ARHGAP24: variants seen among roughly 807,000 people sequenced by gnomAD.
The protein encoded by ARHGAP24 is Rho GTPase activating protein 24, also known as rho GTPase-activating protein 24.
ARHGAP24 carries 50 observed loss-of-function variants against 76.4 expected under a neutral mutation model. The ratio of observed to expected loss-of-function variants is 0.65; its 90% CI spans 0.52 to 0.83. The LOEUF (loss-of-function observed/expected upper bound fraction) is 0.83, where lower values mean the gene tolerates loss of function less well. Ranked by LOEUF, ARHGAP24 falls within the 40% of genes least tolerant of loss-of-function variation. ARHGAP24 has a pLI of 0.00. For missense variants in ARHGAP24, 930 were observed against 914.2 expected (o/e 1.02, Z -0.22); for synonymous variants, 345 against 323.3 (o/e 1.07, Z -0.72).
chr4:85,972,008 G>T, intron 5 of ARHGAP24, 28 bp from the exon 6 acceptor site: 1 of 1,613,788 alleles, frequency 6.2e-7, no homozygotes, highest in Non-Finnish European at 8.5e-7. Context: ...TTACTCCAAA[G>T]AATATCTTCA....
chr4:85,981,712 C>T (rs1316206920), intron 8 of ARHGAP24, among the ~76,000 whole-genome samples: 1 of 152,122 alleles, frequency 6.6e-6, no homozygotes, highest in Non-Finnish European at 1.5e-5. Context: ...TTTCACCTCT[C>T]TCTTAGCAGT....
intron 2 of ARHGAP24, among the ~76,000 whole-genome samples, chr4:85,610,422 C>T (rs1720340695): frequency 9.1e-6 from 1 of 109,942 alleles, no homozygotes; most frequent in African/African-American, 3.6e-5. Context: ...CCAGCCTGGG[C>T]CACAGAGTGA....
At chr4:85,558,031 G>T (rs1223013485) in intron 1 of ARHGAP24, among the ~76,000 whole-genome samples, 1 of 152,136 alleles carries the variant, frequency 6.6e-6, no homozygotes, top group Non-Finnish European at 1.5e-5. Flanking sequence ...TAAAAGGGAA[G>T]ATGAATGCCG....
At chr4:85,683,118 G>GGC (rs921046123) in intron 2 of ARHGAP24, among the ~76,000 whole-genome samples, 1 of 37,714 alleles carries the variant, frequency 2.7e-5, no homozygotes, top group African/African-American at 9.5e-5. Context: ...GTGGGGGGGT[G>GGC]GGGGGGGGGT....
In ARHGAP24 at chr4:85,995,292, C is replaced by T. The variant is rs778255086; in HGVS notation, c.1638C>T (p.Asp546=). The T allele has an allele frequency of 6.2e-7, 1 of 1,614,018 alleles. No homozygotes were observed. The highest frequency in any genetic ancestry group is 1.1e-5 in the South Asian group (1 of 91,072). The change falls in exon 9 of 10, where the codon GAC becomes GAT. Residue 546 remains aspartate, a synonymous_variant. Transcript: ENST00000395184. ...AGTTCTCCATGATGAACCTTGATGACAAGCAGAGCATTGACAGTGCTACCT... is the reference window on the plus strand; with the variant it reads ...AGTTCTCCATGATGAACCTTGATGATAAGCAGAGCATTGACAGTGCTACCT... ...HQQFSMMNLD[D]KQSIDSATWS... is the part of the protein sequence containing the mutation.
At chr4:85,620,373 G>T (rs952243860) in intron 2 of ARHGAP24, among the ~76,000 whole-genome samples, 10 of 151,842 alleles carry the variant, frequency 6.6e-5, no homozygotes, top group African/African-American at 2.4e-4. Flanking sequence ...TCATGATTCA[G>T]TCTTGATAGG....
intron 3 of ARHGAP24, among the ~76,000 whole-genome samples, chr4:85,894,096 T>TAA (rs139310412): frequency 0.029 from 1,545 of 54,010 alleles, 27 homozygotes; most frequent in African/African-American, 0.077. Context: ...ACTTAGAGTA[T>TAA]AATAAAAAAA....
At chr4:85,971,753 C>T (rs1738999616) in intron 5 of ARHGAP24, among the ~76,000 whole-genome samples, 1 of 151,848 alleles carries the variant, frequency 6.6e-6, no homozygotes, top group African/African-American at 2.4e-5. Context: ...TAACTATCCC[C>T]ACTCCCACCC....
At chr4:85,583,480 A>G (rs1448633451) in intron 2 of ARHGAP24, among the ~76,000 whole-genome samples, 1 of 152,190 alleles carries the variant, frequency 6.6e-6, no homozygotes, top group Non-Finnish European at 1.5e-5. Flanking sequence ...ACCTAAAACC[A>G]TAAAAACCCT....
chr4:85,697,609 T>C (rs1163501366), intron 2 of ARHGAP24, among the ~76,000 whole-genome samples: 1 of 152,192 alleles, frequency 6.6e-6, no homozygotes, highest in Non-Finnish European at 1.5e-5. Context: ...GATAATATAG[T>C]TCTATTAATA....
intron 3 of ARHGAP24, among the ~76,000 whole-genome samples, chr4:85,738,778 T>C (rs1229739616): frequency 3.3e-5 from 5 of 152,250 alleles, no homozygotes; most frequent in Admixed American, 1.3e-4. Flanking sequence ...GTGGATTGTC[T>C]AGTTTTTCCA....
chr4:85,830,483 A>G (rs1343978518), intron 3 of ARHGAP24, among the ~76,000 whole-genome samples: 1 of 152,192 alleles, frequency 6.6e-6, no homozygotes, highest in Admixed American at 6.5e-5. Context: ...ACATACCGAC[A>G]TAGTTACACT....
At chr4:85,624,186 A>G (rs1441313939) in intron 2 of ARHGAP24, among the ~76,000 whole-genome samples, 1 of 152,106 alleles carries the variant, frequency 6.6e-6, no homozygotes, top group African/African-American at 2.4e-5. Context: ...GAATGCTTCC[A>G]GTTTTTGCCC....
At position 85,533,257 on chromosome 4, in the gene ARHGAP24, G is replaced by C. The variant is rs555923657; in HGVS notation, c.-20-37265G>C. Among the ~76,000 whole-genome samples, 4 of 152,214 alleles carry C rather than the reference G, an allele frequency of 2.6e-5. No individual in the cohort carries two copies. The East Asian group carries it at 7.7e-4, about 29-fold the overall frequency. On this transcript the variant is annotated intron_variant, in intron 1 of 9. Transcript: ENST00000395184. ...ACTTTGGGACATCATCTTGAAGGAG[G>C]GGACAGTTTATCTTTCTGTAATTGT...
chr4:85,608,697 A>G (rs1280171124), intron 2 of ARHGAP24, among the ~76,000 whole-genome samples: 1 of 151,602 alleles, frequency 6.6e-6, no homozygotes, highest in Non-Finnish European at 1.5e-5. Context: ...AGCAGGGATT[A>G]TAGGTGCGTG....
At position 85,504,239 on chromosome 4, in the gene ARHGAP24, G is replaced by A. The variant is rs143727463; in HGVS notation, c.-21+28680G>A. 3.4e-3 allele frequency among the ~76,000 whole-genome samples: 524 copies of A among 152,270 alleles called. 3 individuals carry two copies. The highest frequency in any genetic ancestry group is 0.012 in the African/African-American group (489 of 41,542). The stretch of plus-strand genomic sequence containing the variant: ...CTGTAGATGTCTATTAGGTCTGCTT[G>A]GTGCAGAGCTGAGTTCAAGTCCTGG... On this transcript the variant is annotated intron_variant, in intron 1 of 9. Coordinates refer to ENST00000395184, the MANE Select transcript of ARHGAP24 (RefSeq NM_001025616.3).
At chr4:85,705,201 T>C (rs1724266742) in intron 2 of ARHGAP24, among the ~76,000 whole-genome samples, 1 of 152,048 alleles carries the variant, frequency 6.6e-6, no homozygotes. Context: ...ATGCAAATTA[T>C]AAAATTAATG....
At chr4:85,905,771 C>T (rs1487583761) in intron 3 of ARHGAP24, among the ~76,000 whole-genome samples, 13 of 152,178 alleles carry the variant, frequency 8.5e-5, no homozygotes, top group Non-Finnish European at 1.9e-4. Flanking sequence ...CAGAAGCAGT[C>T]GGTTTCTCCC....
intron 3 of ARHGAP24, among the ~76,000 whole-genome samples, chr4:85,841,249 G>A (rs962321804): frequency 1.3e-5 from 2 of 152,176 alleles, no homozygotes; most frequent in Non-Finnish European, 2.9e-5. Flanking sequence ...TCTCATTCAA[G>A]TGCAGAGCTC....
Sources: allele counts gnomAD v4.1 joint callset (sites outside exome capture counted in the v4.1 genomes callset), GRCh38; gene constraint gnomAD v4.1.1; transcripts MANE v1.5; gene names NCBI Gene and HGNC (gene_info 2026-07-23, HGNC 2026-07-21).